The following CELA2A variants were observed in gnomAD, a reference collection of about 807,000 sequenced individuals.
The protein encoded by CELA2A is chymotrypsin-like elastase family member 2A.
CELA2A carries 31 observed loss-of-function variants against 35.3 expected under a neutral mutation model. That is an observed-to-expected ratio of 0.88 (90% CI 0.66 to 1.19). The LOEUF is 1.19. Ranked by LOEUF, CELA2A falls within the 50% of genes most tolerant of loss-of-function variation. The pLI is 0.00. For missense variants in CELA2A, 330 were observed against 352.9 expected, an observed-to-expected ratio of 0.94 and a Z score of 0.52; for synonymous variants, 150 against 149.8, an observed-to-expected ratio of 1.00 and a Z score of -0.01.
chr1:15,466,202 A>G (rs1708516084), intron 6 of CELA2A, 58 bp downstream of exon 6: 2 of 1,577,334 alleles, frequency 1.3e-6, no homozygotes, highest in South Asian at 1.1e-5. Flanking sequence ...GGATAAGGCT[A>G]TAGAGGTCCA....
rs1184617365 is a variant in CELA2A, at chr1:15,457,097, G to A, written c.52G>A (p.Gly18Arg). 27 of 1,614,038 alleles carry A rather than the reference G, an allele frequency of 1.7e-5. No individual in the cohort carries two copies. The highest frequency in any genetic ancestry group is 1.7e-4 in the Middle Eastern group (1 of 6,060). ...TTCTCTTTTCACAGCCCTCAGTTGT[G>A]GGGACCCCACTTACCCACCTTATGT... ...STLVAGALSCGDPTYPPYVTR... is the reference protein window; with the variant it reads ...STLVAGALSCRDPTYPPYVTR... The change falls in exon 2 of 8, where the codon GGG becomes AGG. Residue 18 changes from glycine to arginine, a missense_variant. By Grantham distance (125) the Gly-to-Arg change is moderately radical. Coordinates refer to ENST00000359621, the MANE Select transcript of CELA2A (RefSeq NM_033440.3).
chr1:15,457,294 G>A (rs1708375619), intron 2 of CELA2A, 120 bp downstream of exon 2: 2 of 905,610 alleles, frequency 2.2e-6, no homozygotes, highest in Non-Finnish European at 3.5e-6. Flanking sequence ...GACTCAGAGA[G>A]CAGCACAGGC....
Position 15,467,410 on chromosome 1 carries a change from T to TG in CELA2A, c.665dup (p.Cys222TrpfsTer5), listed in dbSNP as rs746901983. 1 of 1,613,812 alleles carries TG rather than the reference T, an allele frequency of 6.2e-7. No individual in the cohort carries two copies. Among genetic ancestry groups the TG allele is most frequent in the Admixed American group, 1.7e-5 (1 of 60,026 alleles). ...GGGAGACTCTGGCGGGCCACTGAAC[T>TG]GTCAGGCGTCTGACGGCCGGTGGCA... On this transcript the variant is annotated frameshift_variant, in exon 7 of 8. Transcript: ENST00000359621. LOFTEE classifies it high-confidence loss of function.
chr1:15,469,371 T>A (rs1708562588), intron 7 of CELA2A, among the ~76,000 whole-genome samples: 1 of 152,038 alleles, frequency 6.6e-6, no homozygotes, highest in Non-Finnish European at 1.5e-5. Context: ...CTAGAGCAAA[T>A]GGGAGTTATG....
intron 7 of CELA2A, among the ~76,000 whole-genome samples, chr1:15,470,079 C>T (rs936268022): frequency 1.3e-5 from 2 of 152,182 alleles, no homozygotes; most frequent in Non-Finnish European, 2.9e-5. Context: ...TGGGCAGAGG[C>T]CCTGTGTTCA....
Position 15,462,860 on chromosome 1 carries a change from G to T in CELA2A, c.355G>T (p.Gly119Trp), listed in dbSNP as rs1708455580. Reference sequence around the variant, plus strand: ...CTGGAACTCCAACCAAATCTCCAAAGGGTTCGTTTCTGTCTGGGTGCACTT... The same window carrying T: ...CTGGAACTCCAACCAAATCTCCAAATGGTTCGTTTCTGTCTGGGTGCACTT... ...KDWNSNQISK[G>W]NDIALLKLAN... Residue 119 changes from glycine (G) to tryptophan (W), a missense_variant and splice_region_variant, in exon 4 of 8, where the codon GGG becomes TGG. Gly to Trp is a radical substitution (Grantham distance 184, BLOSUM62 -2). Transcript: ENST00000359621. The T allele has an allele frequency of 1.2e-6, 2 of 1,614,120 alleles. No homozygotes were observed. Among genetic ancestry groups the T allele is most frequent in the South Asian group, 1.1e-5 (1 of 91,086 alleles).
intron 2 of CELA2A, 116 bp downstream of exon 2, chr1:15,457,290 G>C: frequency 1.0e-6 from 1 of 996,432 alleles, no homozygotes; most frequent in Non-Finnish European, 1.5e-6. Context: ...ATGGGACTCA[G>C]AGAGCAGCAC....
chr1:15,467,146 G>A (rs1049788544), intron 6 of CELA2A, among the ~76,000 whole-genome samples: 2 of 152,180 alleles, frequency 1.3e-5, no homozygotes, highest in Non-Finnish European at 2.9e-5. Flanking sequence ...TTACCTCATA[G>A]GATTTTGTGA....
At chr1:15,463,987 G>C (rs1708477139) in intron 5 of CELA2A, among the ~76,000 whole-genome samples, 1 of 152,140 alleles carries the variant, frequency 6.6e-6, no homozygotes, top group African/African-American at 2.4e-5. Context: ...GGGAGATGGA[G>C]GTTGCAGTGA....
At chr1:15,460,975 C>T (rs974185538) in intron 2 of CELA2A, among the ~76,000 whole-genome samples, 1 of 152,054 alleles carries the variant, frequency 6.6e-6, no homozygotes, top group Non-Finnish European at 1.5e-5. Flanking sequence ...GCTGGGGAGG[C>T]CTCAGGAAAC....
intron 6 of CELA2A, among the ~76,000 whole-genome samples, chr1:15,466,848 T>A (rs775386604): frequency 6.6e-6 from 1 of 152,200 alleles, no homozygotes; most frequent in Non-Finnish European, 1.5e-5. Context: ...GAAACCTTCC[T>A]GGAGACAGTG....
intron 6 of CELA2A, among the ~76,000 whole-genome samples, chr1:15,466,484 C>T (rs1442108166): frequency 6.6e-6 from 1 of 152,010 alleles, no homozygotes; most frequent in African/African-American, 2.4e-5. Context: ...ATCACTTGAA[C>T]CCATGAGGCG....
intron 2 of CELA2A, among the ~76,000 whole-genome samples, chr1:15,461,175 G>A (rs1034668658): frequency 3.9e-5 from 6 of 152,040 alleles, no homozygotes; most frequent in African/African-American, 1.2e-4. Flanking sequence ...CAGGTCCCTC[G>A]CACGACAAAT....
intron 6 of CELA2A, among the ~76,000 whole-genome samples, chr1:15,466,433 G>C (rs1202862314): frequency 3.3e-5 from 5 of 151,996 alleles, no homozygotes; most frequent in Admixed American, 1.3e-4. Flanking sequence ...ATGGTGGCAG[G>C]CGCCTGTACT....
At chr1:15,461,682 T>A (rs766607053) in intron 3 of CELA2A, 24 bp downstream of exon 3, 1 of 1,614,012 alleles carries the variant, frequency 6.2e-7, no homozygotes. Flanking sequence ...CCTGGGCGCT[T>A]GGCCTGCTCA....
At chr1:15,469,522 A>G (rs1389210142) in intron 7 of CELA2A, among the ~76,000 whole-genome samples, 1 of 152,210 alleles carries the variant, frequency 6.6e-6, no homozygotes, top group Non-Finnish European at 1.5e-5. Flanking sequence ...ACGTGGTCAC[A>G]GGAGGAAAAC....
At chr1:15,470,744 C>T (rs1708579341) in intron 7 of CELA2A, among the ~76,000 whole-genome samples, 1 of 152,116 alleles carries the variant, frequency 6.6e-6, no homozygotes, top group South Asian at 2.1e-4. Context: ...CCATGCCCAA[C>T]TAATTTTTGT....
intron 6 of CELA2A, among the ~76,000 whole-genome samples, chr1:15,467,068 T>G (rs1486374014): frequency 1.3e-5 from 2 of 152,186 alleles, no homozygotes; most frequent in African/African-American, 4.8e-5. Context: ...CTGTGCAACC[T>G]TGGGCAAGTC....
Position 15,461,365 on chromosome 1 carries a change from T to C in CELA2A, c.130-196T>C, listed in dbSNP as rs1708431142. On this transcript the variant is annotated intron_variant, in intron 2 of 7. Coordinates refer to ENST00000359621, the MANE Select transcript of CELA2A (RefSeq NM_033440.3). ...GCATGAGCCACCATGCCTGGCCTGA[T>C]TGTTTTTCATGTAGATTGCATTAAC... Among the ~76,000 whole-genome samples the C allele has an allele frequency of 3.3e-5, 5 of 152,188 alleles. No individual in the cohort carries two copies. The South Asian group carries it at 1.0e-3, about 32-fold the overall frequency.
Sources: allele counts gnomAD v4.1 joint callset (sites outside exome capture counted in the v4.1 genomes callset), GRCh38; gene constraint gnomAD v4.1.1; transcripts MANE v1.5; gene names NCBI Gene and HGNC (gene_info 2026-07-23, HGNC 2026-07-21).